Variants in TPO observed in about 807,000 individuals in gnomAD.
TPO encodes the protein thyroid peroxidase.
In TPO, 78 loss-of-function variants were observed where a neutral mutation model predicts 96.9. That is an observed-to-expected ratio of 0.81 (90% CI 0.67 to 0.97). The LOEUF (loss-of-function observed/expected upper bound fraction) is 0.97. Among genes scored for constraint, TPO ranks in the 50% least tolerant of loss-of-function variants. The pLI, the probability that TPO is intolerant of heterozygous loss-of-function variation, is 0.00. For missense variants in TPO, 1,252 were observed against 1,274.8 expected (o/e 0.98, Z 0.27); for synonymous variants, 547 against 538.0 (o/e 1.02, Z -0.23).
At chr2:1,481,407 G>A (rs1255145823) in intron 8 of TPO, among the ~76,000 whole-genome samples, 1 of 152,176 alleles carries the variant, frequency 6.6e-6, no homozygotes, top group African/African-American at 2.4e-5. Context: ...CAAATATCTG[G>A]CGTGGATGTT....
chr2:1,530,346 CAAGT>C (rs1176573531), intron 15 of TPO, among the ~76,000 whole-genome samples: 7 of 143,136 alleles, frequency 4.9e-5, no homozygotes, highest in African/African-American at 1.6e-4. Flanking sequence ...CAAATCCCCC[CAAGT>C]GTGTGCAACG....
At chr2:1,480,553 AC>A (rs1265673181) in intron 8 of TPO, among the ~76,000 whole-genome samples, 1 of 40,122 alleles carries the variant, frequency 2.5e-5, no homozygotes, top group Non-Finnish European at 4.8e-5. Context: ...CACCCCTCAA[AC>A]CCCCTACACA....
At position 1,413,559 on chromosome 2, in the gene TPO, G is replaced by A. The variant is rs1212907182; in HGVS notation, c.-2+14G>A. On this transcript the variant is annotated intron_variant, in intron 1 of 16. Transcript: ENST00000329066. ...AGAGGAAAAAAGGTCAGGTTGTAAA[G>A]CTTTTTATTTTTCCATTTTCTAAGA... The A allele has an allele frequency of 3.1e-6, 2 of 641,364 alleles. No individual in the cohort carries two copies. The highest frequency in any genetic ancestry group is 3.9e-6 in the Non-Finnish European group (2 of 515,666). The allele number at this position is 641,364 out of a possible 1,614,324, so 39.7% of individuals were successfully genotyped here.
At chr2:1,505,940 C>T (rs1390429319) in intron 14 of TPO, among the ~76,000 whole-genome samples, 4 of 151,188 alleles carry the variant, frequency 2.6e-5, no homozygotes, top group Non-Finnish European at 5.9e-5. Flanking sequence ...TATACATGTG[C>T]CATGTTGGTG....
intron 5 of TPO, among the ~76,000 whole-genome samples, chr2:1,450,230 G>C (rs1479711904): frequency 1.3e-5 from 2 of 152,200 alleles, no homozygotes; most frequent in Admixed American, 1.3e-4. Context: ...TTACTGGATG[G>C]CCATACCTGG....
intron 10 of TPO, among the ~76,000 whole-genome samples, chr2:1,490,899 C>T (rs900143506): frequency 2.0e-5 from 3 of 152,300 alleles, no homozygotes; most frequent in African/African-American, 7.2e-5. Context: ...CTGCTGGGCA[C>T]AGTGGCTCAC....
chr2:1,470,973 T>C (rs1488930544), intron 7 of TPO, among the ~76,000 whole-genome samples: 1 of 152,232 alleles, frequency 6.6e-6, no homozygotes, highest in African/African-American at 2.4e-5. Flanking sequence ...CAGGTTTTCA[T>C]TTATTCTTGG....
At chr2:1,396,864 G>A (rs892402295) in intron 1 of TPO, among the ~76,000 whole-genome samples, 94 of 152,300 alleles carry the variant, frequency 6.2e-4, no homozygotes, top group African/African-American at 2.1e-3. Context: ...AAATAAAGCC[G>A]CAGAAGTTTA....
intron 15 of TPO, among the ~76,000 whole-genome samples, chr2:1,533,359 C>A (rs1288206239): frequency 3.8e-4 from 45 of 118,202 alleles, no homozygotes; most frequent in African/African-American, 1.4e-3. Context: ...CTTCCCAAAT[C>A]CCCCCACTGT....
chr2:1,494,176 T>G (rs1435034385), intron 11 of TPO, 137 bp downstream of exon 11: 8 of 909,918 alleles, frequency 8.8e-6, no homozygotes, highest in Non-Finnish European at 1.4e-5. Context: ...GTCAGGTTGT[T>G]TCTCCCACCC....
chr2:1,504,581 A>G (rs1406933294), intron 14 of TPO, among the ~76,000 whole-genome samples: 1 of 152,224 alleles, frequency 6.6e-6, no homozygotes, highest in South Asian at 2.1e-4. Context: ...GGCCTTGTCC[A>G]GTCCCCCAGC....
At chr2:1,513,488 G>A (rs993690214) in intron 14 of TPO, 1 of 152,262 alleles carries the variant, frequency 6.6e-6, no homozygotes, top group Non-Finnish European at 1.5e-5. Context: ...GATGAGGCAT[G>A]GCTGTGAGAG....
At chr2:1,424,115 G>T (rs1281924433) in intron 3 of TPO, among the ~76,000 whole-genome samples, 1 of 152,202 alleles carries the variant, frequency 6.6e-6, no homozygotes, top group Non-Finnish European at 1.5e-5. Flanking sequence ...TGCCCAAGAT[G>T]GCTGGGGCAC....
At chr2:1,429,743 C>G (rs766855462) in intron 3 of TPO, among the ~76,000 whole-genome samples, 1 of 152,150 alleles carries the variant, frequency 6.6e-6, no homozygotes, top group Non-Finnish European at 1.5e-5. Flanking sequence ...AAGTCGTGGG[C>G]ATCTATGGAA....
In TPO at chr2:1,477,171, G is replaced by A. The variant is rs546895183; in HGVS notation, c.905G>A (p.Gly302Asp). 5.7e-5 allele frequency: 92 copies of A among 1,610,022 alleles called. No homozygotes were observed. The South Asian group carries it at 1.0e-3, about 17-fold the overall frequency. Reference protein sequence around the residue: ...SSAACGTGDQGALFGNLSTAN... With the variant: ...SSAACGTGDQDALFGNLSTAN... ...GCCGCCTGCGGCACCGGGGACCAAGGCGCGCTCTTTGGGAACCTGTCCACG... is the reference window on the plus strand; with the variant it reads ...GCCGCCTGCGGCACCGGGGACCAAGACGCGCTCTTTGGGAACCTGTCCACG... The change falls in exon 8 of 17, where the codon GGC becomes GAC. Residue 302 changes from glycine to aspartate, a missense_variant. Physicochemically the swap from Gly to Asp is moderately conservative, Grantham distance 94 (BLOSUM62 -1). Transcript: ENST00000329066.
intron 2 of TPO, among the ~76,000 whole-genome samples, chr2:1,422,306 TCTCCTGGACAGACCTCGTGCAGGCGC>T (rs1663661562): frequency 3.5e-5 from 2 of 57,914 alleles, no homozygotes; most frequent in Non-Finnish European, 7.2e-5. Context: ...CGCAGGCGCC[TCTCCTGGACAGACCTCGTGCAGGCGC>T]CTCTCCTGGA....
intron 9 of TPO, 79 bp from the exon 10 acceptor site, chr2:1,487,738 CAAAA>C: frequency 1.5e-6 from 2 of 1,334,184 alleles, no homozygotes; most frequent in Non-Finnish European, 2.1e-6. Context: ...GACTCCGTCT[CAAAA>C]AAAAAAAAAA....
At chr2:1,395,761 AGTGATAGTGT>A (rs1431104847) in intron 1 of TPO, among the ~76,000 whole-genome samples, 1 of 149,318 alleles carries the variant, frequency 6.7e-6, no homozygotes, top group East Asian at 2.1e-4. Flanking sequence ...AGTGTGTTCT[AGTGATAGTGT>A]GTTCTAGTGA....
upstream of TPO, among the ~76,000 whole-genome samples, chr2:1,412,643 G>A (rs1199681926): frequency 2.0e-5 from 3 of 152,158 alleles, no homozygotes; most frequent in Non-Finnish European, 4.4e-5. Context: ...CCTAGAGGAA[G>A]CATCAGTCAC....
Sources: allele counts gnomAD v4.1 joint callset (sites outside exome capture counted in the v4.1 genomes callset), GRCh38; gene constraint gnomAD v4.1.1; transcripts MANE v1.5; gene names NCBI Gene and HGNC (gene_info 2026-07-23, HGNC 2026-07-21).